TANGO6: variants seen among roughly 807,000 people sequenced by gnomAD.
TANGO6 encodes transport and Golgi organization protein 6 homolog.
TANGO6 carries 90 observed loss-of-function variants against 114.2 expected under a neutral mutation model. The ratio of observed to expected loss-of-function variants is 0.79; its 90% CI spans 0.66 to 0.94. TANGO6 has a LOEUF of 0.94. Ranked by LOEUF, TANGO6 falls within the 40% of genes least tolerant of loss-of-function variation. The pLI, the probability that TANGO6 is intolerant of heterozygous loss-of-function variation, is 0.00. For missense variants in TANGO6, 1,274 were observed against 1,315.3 expected, an observed-to-expected ratio of 0.97 and a Z score of 0.49; for synonymous variants, 477 against 509.8, an observed-to-expected ratio of 0.94 and a Z score of 0.87.
chr16:68,934,041 A>ATT (rs765471686), intron 14 of TANGO6: 36 of 139,908 alleles, frequency 2.6e-4, no homozygotes, highest in Non-Finnish European at 3.0e-4. Flanking sequence ...GAATTCTGGA[A>ATT]TTTTTTTTTT....
Position 68,966,197 on chromosome 16 carries a change from G to A in TANGO6, c.2702-7831G>A, listed in dbSNP as rs562870409. ...GCTGTGATTATACCAAAGCACTCCA[G>A]CCTGGGCGACAGAACAAGACTCTGT... On this transcript the variant is annotated intron_variant, in intron 14 of 17. Transcript: ENST00000261778. Among the ~76,000 whole-genome samples, 5 of 152,114 alleles carry A rather than the reference G, an allele frequency of 3.3e-5. No homozygotes were observed. In the South Asian group the frequency reaches 8.3e-4, roughly 25 times the overall value.
chr16:68,870,292 TCTTGA>T (rs2152164048), intron 4 of TANGO6, among the ~76,000 whole-genome samples: 1 of 152,262 alleles, frequency 6.6e-6, no homozygotes, highest in African/African-American at 2.4e-5. Context: ...GAAGAATAAA[TCTTGA>T]CTTCATTTCT....
intron 14 of TANGO6, among the ~76,000 whole-genome samples, chr16:68,943,670 ATT>A (rs555949233): frequency 3.3e-5 from 5 of 149,336 alleles, no homozygotes; most frequent in Non-Finnish European, 7.4e-5. Context: ...CGGCCAAGAT[ATT>A]TTTTTTTTAA....
At chr16:69,047,365 G>A (rs550181834) in intron 17 of TANGO6, among the ~76,000 whole-genome samples, 1 of 152,012 alleles carries the variant, frequency 6.6e-6, no homozygotes, top group South Asian at 2.1e-4. Context: ...CATGATGGTG[G>A]TTGCCTGTAG....
At chr16:68,902,659 C>A (rs1335033066) in intron 9 of TANGO6, among the ~76,000 whole-genome samples, 155 bp downstream of exon 9, 1 of 152,174 alleles carries the variant, frequency 6.6e-6, no homozygotes, top group African/African-American at 2.4e-5. Flanking sequence ...GAAACGTGAG[C>A]CTTAAATAAT....
At chr16:68,850,895 G>A (rs1426221923) in intron 1 of TANGO6, among the ~76,000 whole-genome samples, 1 of 151,978 alleles carries the variant, frequency 6.6e-6, no homozygotes, top group Non-Finnish European at 1.5e-5. Flanking sequence ...GAATTGTTTT[G>A]CATTTTCTTT....
At chr16:68,915,690 TGGA>T (rs1962994200) in intron 11 of TANGO6, among the ~76,000 whole-genome samples, 1 of 152,184 alleles carries the variant, frequency 6.6e-6, no homozygotes, top group Non-Finnish European at 1.5e-5. Context: ...ATCTTAGGGA[TGGA>T]GGAGGTGGTG....
At chr16:68,919,248 A>G in intron 12 of TANGO6, 29 bp downstream of exon 12, 1 of 1,607,718 alleles carries the variant, frequency 6.2e-7, no homozygotes, top group Non-Finnish European at 8.5e-7. Context: ...GCAAGCTTGA[A>G]TGGAGGGAAG....
At chr16:69,011,646 C>G (rs888777164) in intron 15 of TANGO6, among the ~76,000 whole-genome samples, 3 of 152,086 alleles carry the variant, frequency 2.0e-5, no homozygotes, top group Admixed American at 1.3e-4. Flanking sequence ...TTTTTAGAGA[C>G]AAGCTTTCGC....
chr16:69,013,948 G>A (rs773453673), intron 15 of TANGO6, among the ~76,000 whole-genome samples: 7 of 152,096 alleles, frequency 4.6e-5, no homozygotes, highest in Non-Finnish European at 8.8e-5. Flanking sequence ...GTGAGCCACC[G>A]TGCCTGGCCC....
chr16:68,917,638 T>C (rs745519663), intron 11 of TANGO6, among the ~76,000 whole-genome samples: 2 of 152,222 alleles, frequency 1.3e-5, no homozygotes, highest in Non-Finnish European at 2.9e-5. Flanking sequence ...TCACCAGTGC[T>C]TTCATTTCCA....
rs189652677 is a variant in TANGO6 at position 68,972,324 on chromosome 16, C to G, written c.2702-1704C>G. ...CGCCTTCACAGCTCAGCAGATGCGGCGGATAAGGCCAGTGAAGAGTGTGGA... is the reference window on the plus strand; with the variant it reads ...CGCCTTCACAGCTCAGCAGATGCGGGGGATAAGGCCAGTGAAGAGTGTGGA... On this transcript the variant is annotated intron_variant, in intron 14 of 17. Coordinates refer to ENST00000261778, the MANE Select transcript of TANGO6 (RefSeq NM_024562.2). Among the ~76,000 whole-genome samples the G allele has an allele frequency of 1.4e-3, 220 of 152,004 alleles. 2 individuals carry two copies. The highest frequency in any genetic ancestry group is 5.0e-3 in the African/African-American group (206 of 41,458).
At chr16:68,943,247 T>C (rs915976489) in intron 14 of TANGO6, among the ~76,000 whole-genome samples, 2 of 150,954 alleles carry the variant, frequency 1.3e-5, no homozygotes, top group Admixed American at 1.3e-4. Context: ...TCTCTTTTTT[T>C]CTTTTTTTTC....
intron 14 of TANGO6, among the ~76,000 whole-genome samples, chr16:68,963,706 G>T (rs1379651727): frequency 6.6e-6 from 1 of 152,202 alleles, no homozygotes; most frequent in Non-Finnish European, 1.5e-5. Flanking sequence ...ACTGTTTACT[G>T]CTGACCATGT....
intron 17 of TANGO6, among the ~76,000 whole-genome samples, chr16:69,046,516 A>G (rs1959861938): frequency 6.6e-6 from 1 of 152,030 alleles, no homozygotes; most frequent in African/African-American, 2.4e-5. Context: ...GGTTTTCACC[A>G]TGTTGGTCAG....
intron 14 of TANGO6, among the ~76,000 whole-genome samples, chr16:68,958,962 G>A (rs1416864378): frequency 6.6e-6 from 1 of 152,080 alleles, no homozygotes; most frequent in Non-Finnish European, 1.5e-5. Flanking sequence ...CAAGTGTCCT[G>A]TTATATCTCA....
intron 14 of TANGO6, among the ~76,000 whole-genome samples, chr16:68,946,160 T>G (rs1963411930): frequency 6.6e-6 from 1 of 152,110 alleles, no homozygotes; most frequent in Non-Finnish European, 1.5e-5. Flanking sequence ...AGTTTTTACT[T>G]TCAATGAAGT....
chr16:69,068,421 G>A (rs1325246800), intron 17 of TANGO6, among the ~76,000 whole-genome samples: 5 of 152,212 alleles, frequency 3.3e-5, no homozygotes, highest in African/African-American at 1.2e-4. Context: ...ATTACTAGCT[G>A]TGTGAACCTG....
intron 15 of TANGO6, among the ~76,000 whole-genome samples, chr16:69,022,107 A>C (rs1036476503): frequency 2.0e-5 from 3 of 151,780 alleles, no homozygotes; most frequent in African/African-American, 7.3e-5. Context: ...AGGATGGTCT[A>C]GATCTCCTGA....
Sources: allele counts gnomAD v4.1 joint callset (sites outside exome capture counted in the v4.1 genomes callset), GRCh38; gene constraint gnomAD v4.1.1; transcripts MANE v1.5; gene names NCBI Gene and HGNC (gene_info 2026-07-23, HGNC 2026-07-21).